ILRUN: variants seen among roughly 807,000 people sequenced by gnomAD.
The protein encoded by ILRUN is inflammation and lipid regulator with UBA-like and NBR1-like domains, also known as protein ILRUN.
In ILRUN, 3 loss-of-function variants were observed where a neutral mutation model predicts 33.8. That is an observed-to-expected ratio of 0.09 (90% CI 0.04 to 0.23). The LOEUF (loss-of-function observed/expected upper bound fraction) is 0.23. ILRUN is among the 10% of genes least tolerant of loss of function. The pLI, the probability that ILRUN is intolerant of heterozygous loss-of-function variation, is 1.00. For missense variants in ILRUN, 210 were observed against 375.1 expected (o/e 0.56, Z 3.64); for synonymous variants, 124 against 138.9 (o/e 0.89, Z 0.75).
chr6:34,690,498 T>A lies in ILRUN; in HGVS notation c.158+5948A>T, dbSNP rs146830277. 5.1e-4 allele frequency among the ~76,000 whole-genome samples: 77 copies of A among 151,656 alleles called. No homozygotes were observed. The East Asian group carries it at 6.0e-3, about 12-fold the overall frequency. ...AAAATAAATAAATAAATAAATAAAT[T>A]GATTAAAAGGGTAAATTTTGTTATA... On this transcript the variant is annotated intron_variant, in intron 1 of 4. Transcript: ENST00000374023.
chr6:34,654,902 C>T lies in ILRUN; in HGVS notation c.159-123G>A, dbSNP rs150503213. On this transcript the variant is annotated intron_variant, in intron 1 of 4. Coordinates refer to ENST00000374023, the MANE Select transcript of ILRUN (RefSeq NM_024294.4). The stretch of plus-strand genomic sequence containing the variant: ...CAGAACCTGAGGCTCCTGGTATACA[C>T]GTCTTTAAAGCCTTCTATTCTGGCT... 69 of 813,850 alleles carry T rather than the reference C, an allele frequency of 8.5e-5. No homozygotes were observed. The African/African-American group carries it at 8.6e-4, about 10-fold the overall frequency. The allele number at this position is 813,850 out of a possible 1,614,324, so 50.4% of individuals were successfully genotyped here. A position where few individuals can be genotyped will look rare whatever the true frequency, so the allele number is the denominator to read the frequency against.
rs1762774241 is a variant in ILRUN at position 34,656,472 on chromosome 6, G to A, written c.159-1693C>T. Among the ~76,000 whole-genome samples the A allele has an allele frequency of 2.0e-5, 3 of 152,194 alleles. No homozygotes were observed. In the South Asian group the frequency reaches 6.2e-4, roughly 32 times the overall value. On this transcript the variant is annotated intron_variant, in intron 1 of 4. Coordinates refer to ENST00000374023, the MANE Select transcript of ILRUN (RefSeq NM_024294.4). ...AAGCTGCGTTCATTACAGAGATCAA[G>A]GAAATTGTTGGTAATTACATTAACT...
intron 3 of ILRUN, chr6:34,616,594 G>A: frequency 1.3e-6 from 2 of 1,571,554 alleles, no homozygotes; most frequent in East Asian, 2.2e-5. Context: ...TTAAGAAAAA[G>A]CGAAGGAATT....
intron 1 of ILRUN, among the ~76,000 whole-genome samples, chr6:34,656,466 G>A (rs1229218735): frequency 6.6e-6 from 1 of 152,042 alleles, no homozygotes; most frequent in Non-Finnish European, 1.5e-5. Flanking sequence ...TCATTACAGA[G>A]ATCAAGGAAA....
At chr6:34,669,200 T>C (rs1177366013) in intron 1 of ILRUN, among the ~76,000 whole-genome samples, 1 of 151,780 alleles carries the variant, frequency 6.6e-6, no homozygotes. Context: ...TATGGCTCAC[T>C]GTAGCCTCAA....
intron 3 of ILRUN, among the ~76,000 whole-genome samples, chr6:34,612,566 T>G (rs546235573): frequency 6.6e-6 from 1 of 152,310 alleles, no homozygotes; most frequent in African/African-American, 2.4e-5. Context: ...ACATCATAAA[T>G]TACTAAAGAG....
chr6:34,646,577 T>C lies in ILRUN; in HGVS notation c.511+24A>G. The C allele has an allele frequency of 6.2e-7, 1 of 1,610,580 alleles. No homozygotes were observed. The highest frequency in any genetic ancestry group is 8.5e-7 in the Non-Finnish European group (1 of 1,177,414). On this transcript the variant is annotated intron_variant, in intron 3 of 4. Coordinates refer to ENST00000374023, the MANE Select transcript of ILRUN (RefSeq NM_024294.4). This position sits in a 1 kb window ranked among gnomAD's most constrained non-coding sequence, Gnocchi z 4.9. ...AGATGTTACCTTAGTTCCTTTACCC[T>C]GGGCTGCACAAGGACATACTCACCT...
At chr6:34,654,498 T>C in intron 2 of ILRUN, 127 bp downstream of exon 2, 1 of 913,846 alleles carries the variant, frequency 1.1e-6, no homozygotes, top group South Asian at 1.8e-5. Context: ...AAGAAAATAC[T>C]ACATATCATG....
At chr6:34,601,703 C>CCA (rs144412934) in intron 4 of ILRUN, among the ~76,000 whole-genome samples, 9,827 of 150,910 alleles carry the variant, frequency 0.065, 504 homozygotes, top group East Asian at 0.32. Context: ...CCTCCAGTAC[C>CCA]CGCCCCCCCA....
At chr6:34,640,132 G>A (rs1762440147) in intron 3 of ILRUN, among the ~76,000 whole-genome samples, 1 of 152,146 alleles carries the variant, frequency 6.6e-6, no homozygotes, top group Non-Finnish European at 1.5e-5. Context: ...GACCAAGTGA[G>A]CTAGAAATTT....
intron 1 of ILRUN, among the ~76,000 whole-genome samples, chr6:34,683,489 T>TATAC (rs1562033166): frequency 3.9e-4 from 36 of 91,206 alleles, no homozygotes; most frequent in African/African-American, 1.9e-3. Context: ...TATATATACA[T>TATAC]ATATATATAC....
At chr6:34,692,200 G>T (rs1763663170) in intron 1 of ILRUN, among the ~76,000 whole-genome samples, 1 of 152,154 alleles carries the variant, frequency 6.6e-6, no homozygotes, top group African/African-American at 2.4e-5. Flanking sequence ...CTGGGTTCAA[G>T]CAATCCTACT....
chr6:34,659,811 G>C lies in ILRUN; in HGVS notation c.159-5032C>G, dbSNP rs996748326. 1.2e-4 allele frequency among the ~76,000 whole-genome samples: 18 copies of C among 151,290 alleles called. No homozygotes were observed. In the East Asian group the frequency reaches 3.5e-3, roughly 29 times the overall value. ...TAATTTTGTATTTTTAGTAGAGACGGGGTTTCTCCATGTTGGTCAGGTTGG... is the reference window on the plus strand; with the variant it reads ...TAATTTTGTATTTTTAGTAGAGACGCGGTTTCTCCATGTTGGTCAGGTTGG... On this transcript the variant is annotated intron_variant, in intron 1 of 4. Transcript: ENST00000374023.
At chr6:34,651,509 A>G (rs559870716) in intron 2 of ILRUN, among the ~76,000 whole-genome samples, 1 of 152,312 alleles carries the variant, frequency 6.6e-6, no homozygotes, top group Admixed American at 6.5e-5. Flanking sequence ...AGATATATCA[A>G]GAGGCTTTTT....
At position 34,590,497 on chromosome 6, in the gene ILRUN, C is replaced by A; in HGVS notation, c.*68G>T. ...GATGTGGTCTGCAATCCAGAGGAACCCCTTGCCCTAACCCCCCAAAGTCAG... is the reference window on the plus strand; with the variant it reads ...GATGTGGTCTGCAATCCAGAGGAACACCTTGCCCTAACCCCCCAAAGTCAG... On this transcript the variant is annotated 3_prime_UTR_variant, in exon 5 of 5. Transcript: ENST00000374023. The A allele has an allele frequency of 1.2e-6, 2 of 1,610,758 alleles. No homozygotes were observed. Among genetic ancestry groups the A allele is most frequent in the Non-Finnish European group, 1.7e-6 (2 of 1,178,464 alleles).
At chr6:34,663,241 G>A (rs1440577179) in intron 1 of ILRUN, among the ~76,000 whole-genome samples, 1 of 152,144 alleles carries the variant, frequency 6.6e-6, no homozygotes, top group South Asian at 2.1e-4. Context: ...GCGAAACAAA[G>A]TGAGACTCTG....
chr6:34,651,431 T>C (rs1762666012), intron 2 of ILRUN, among the ~76,000 whole-genome samples: 1 of 152,078 alleles, frequency 6.6e-6, no homozygotes, highest in South Asian at 2.1e-4. Flanking sequence ...GGTTCTGATT[T>C]GACAGTCTAA....
rs148645443 is a variant in ILRUN, at chr6:34,610,668, G to A, written c.512-3764C>T. 3.9e-3 allele frequency among the ~76,000 whole-genome samples: 587 copies of A among 152,226 alleles called. 2 individuals are homozygous for A. The highest frequency in any genetic ancestry group is 6.9e-3 in the Non-Finnish European group (472 of 68,008). On this transcript the variant is annotated intron_variant, in intron 3 of 4. Coordinates refer to ENST00000374023, the MANE Select transcript of ILRUN (RefSeq NM_024294.4). The stretch of plus-strand genomic sequence containing the variant: ...AAAATGTAAAATCTGAAACACTTCT[G>A]GTCTCAAGCATTTCAGATAAGGGAT...
Position 34,646,880 on chromosome 6 carries a change from G to A in ILRUN, c.314-82C>T. On this transcript the variant is annotated intron_variant, in intron 2 of 4. Transcript: ENST00000374023. The surrounding 1 kb of genome is among the most constrained non-coding windows in gnomAD (Gnocchi z 4.9). Reference sequence around the variant, plus strand: ...AGTTTATTATGAAACTGTAGAAGAGGCCTCTTTCTTTTTCTCACATACATA... The same window carrying A: ...AGTTTATTATGAAACTGTAGAAGAGACCTCTTTCTTTTTCTCACATACATA... The A allele has an allele frequency of 7.7e-7, 1 of 1,304,014 alleles. No homozygotes were observed. The highest frequency in any genetic ancestry group is 1.2e-5 in the South Asian group (1 of 82,096). 80.8% of individuals were successfully genotyped at this position (1,304,014 alleles called of 1,614,324 possible).
Sources: gnomAD v4.1 joint callset for allele counts (sites outside exome capture counted in the v4.1 genomes callset) on GRCh38, gnomAD v4.1.1 for gene constraint, Gnocchi (gnomAD v3.1) non-coding constraint, MANE v1.5 for transcripts, NCBI Gene and HGNC (gene_info 2026-07-23, HGNC 2026-07-21) for gene names.